The following MKLN1 variants were observed in gnomAD, a reference collection of about 807,000 sequenced individuals.
MKLN1 encodes the protein muskelin.
Under a neutral mutation model 99.0 loss-of-function variants are expected in MKLN1, and 18 were observed. The observed-to-expected ratio is 0.18, with a 90% confidence interval of 0.13 to 0.27. The LOEUF (loss-of-function observed/expected upper bound fraction) is 0.27, where lower values mean the gene tolerates loss of function less well. Ranked by LOEUF, MKLN1 falls within the 10% of genes least tolerant of loss-of-function variation. The probability of loss-of-function intolerance (pLI) is 1.00; values close to 1 mark genes in which losing one functional copy is unlikely to be tolerated. For synonymous variants in MKLN1, 288 were observed against 293.2 expected (o/e 0.98, Z 0.18); for missense variants, 621 against 875.9 (o/e 0.71, Z 3.67).
chr7:131,149,923 C>T (rs1795865562), intron 2 of MKLN1, among the ~76,000 whole-genome samples: 1 of 152,110 alleles, frequency 6.6e-6, no homozygotes, highest in Admixed American at 6.6e-5. Flanking sequence ...TGGAAGCTTC[C>T]TAAGTTTGTT....
intron 2 of MKLN1, among the ~76,000 whole-genome samples, chr7:131,151,934 A>G (rs1420645213): frequency 6.6e-6 from 1 of 152,206 alleles, no homozygotes; most frequent in Non-Finnish European, 1.5e-5. Flanking sequence ...CCCCATGTCA[A>G]GTTGGACCTC....
chr7:131,192,220 A>AAATAT (rs557562866), intron 2 of MKLN1, among the ~76,000 whole-genome samples: 2,165 of 42,230 alleles, frequency 0.051, 781 homozygotes, highest in South Asian at 0.083. Flanking sequence ...TAAATATATA[A>AAATAT]AATATATACA....
At chr7:131,428,308 G>A (rs977923515) in intron 8 of MKLN1, among the ~76,000 whole-genome samples, 1 of 152,306 alleles carries the variant, frequency 6.6e-6, no homozygotes, top group Admixed American at 6.5e-5. Flanking sequence ...TTCAGAGTCA[G>A]AAGAAACCAA....
At chr7:131,304,816 T>A (rs888396461) in intron 3 of MKLN1, among the ~76,000 whole-genome samples, 1 of 152,192 alleles carries the variant, frequency 6.6e-6, no homozygotes, top group Admixed American at 6.5e-5. Context: ...GTTTGAATGT[T>A]TGTGTCCCCT....
chr7:131,417,070 C>T lies in MKLN1; in HGVS notation c.847+2360C>T, dbSNP rs1467685621. On this transcript the variant is annotated intron_variant, in intron 8 of 17. Transcript: ENST00000352689. ...CTTTAGAAATTATAAGAAAGCGTAGCGAGAATGACTATTGTAGTCATGGAA... is the reference window on the plus strand; with the variant it reads ...CTTTAGAAATTATAAGAAAGCGTAGTGAGAATGACTATTGTAGTCATGGAA... Among the ~76,000 whole-genome samples the T allele has an allele frequency of 2.7e-5, 4 of 150,432 alleles. No individual in the cohort carries two copies. The East Asian group carries it at 5.9e-4, about 22-fold the overall frequency.
intron 3 of MKLN1, among the ~76,000 whole-genome samples, chr7:131,243,425 T>C (rs1022492917): frequency 3.9e-5 from 6 of 152,218 alleles, no homozygotes; most frequent in Non-Finnish European, 8.8e-5. Flanking sequence ...CCTCATGTGT[T>C]ACCCGCTTGC....
intron 1 of MKLN1, among the ~76,000 whole-genome samples, chr7:131,122,072 A>C (rs928720432): frequency 1.1e-4 from 16 of 152,220 alleles, no homozygotes; most frequent in African/African-American, 3.6e-4. Context: ...CGTAAGCGTT[A>C]AGCTCCTTGA....
intron 3 of MKLN1, among the ~76,000 whole-genome samples, chr7:131,302,167 A>G (rs1456170413): frequency 6.6e-6 from 1 of 151,998 alleles, no homozygotes; most frequent in East Asian, 1.9e-4. Flanking sequence ...TTACATTCCA[A>G]CCCTTTCTGA....
chr7:131,204,157 G>A (rs1796770639), intron 3 of MKLN1, among the ~76,000 whole-genome samples: 1 of 152,160 alleles, frequency 6.6e-6, no homozygotes, highest in South Asian at 2.1e-4. Flanking sequence ...CTGGGTTGAT[G>A]TTCATCCAAG....
chr7:131,299,328 G>C (rs1244278497), intron 3 of MKLN1, among the ~76,000 whole-genome samples: 1 of 152,078 alleles, frequency 6.6e-6, no homozygotes, highest in African/African-American at 2.4e-5. Context: ...TGTCAGAATT[G>C]AACAGAGAAC....
At chr7:131,427,914 G>T (rs181047186) in intron 8 of MKLN1, among the ~76,000 whole-genome samples, 2 of 152,162 alleles carry the variant, frequency 1.3e-5, no homozygotes, top group Non-Finnish European at 2.9e-5. Flanking sequence ...CTATAATCCT[G>T]GTACTTTGGG....
intron 3 of MKLN1, among the ~76,000 whole-genome samples, chr7:131,227,157 G>T (rs1261095694): frequency 1.3e-5 from 2 of 152,100 alleles, no homozygotes; most frequent in Non-Finnish European, 2.9e-5. Flanking sequence ...TTTCCCTGCA[G>T]TGTCCTGACA....
chr7:131,187,296 T>C (rs1563245422), intron 2 of MKLN1, among the ~76,000 whole-genome samples: 1 of 149,884 alleles, frequency 6.7e-6, no homozygotes, highest in Non-Finnish European at 1.5e-5. Context: ...TGTCCTCTGC[T>C]AGAGGAAGTA....
intron 3 of MKLN1, among the ~76,000 whole-genome samples, chr7:131,245,810 G>T (rs910624926): frequency 1.3e-5 from 2 of 152,216 alleles, no homozygotes; most frequent in African/African-American, 4.8e-5. Flanking sequence ...TCCTAACAAT[G>T]CATTTCTCAG....
At chr7:131,165,247 G>A (rs777461140) in intron 2 of MKLN1, among the ~76,000 whole-genome samples, 2 of 152,074 alleles carry the variant, frequency 1.3e-5, no homozygotes, top group Non-Finnish European at 2.9e-5. Flanking sequence ...GTGTAATGGC[G>A]CGATCTCTGC....
chr7:131,346,425 G>A (rs930880068), intron 1 of MKLN1, among the ~76,000 whole-genome samples: 1 of 151,970 alleles, frequency 6.6e-6, no homozygotes, highest in Non-Finnish European at 1.5e-5. Context: ...GGGAGGCTGA[G>A]GCAGGAGAAT....
intron 1 of MKLN1, among the ~76,000 whole-genome samples, chr7:131,357,399 C>T (rs1376051571): frequency 6.6e-6 from 1 of 152,162 alleles, no homozygotes; most frequent in East Asian, 1.9e-4. Flanking sequence ...GGTTTCTCCA[C>T]TGTAATATTT....
At chr7:131,344,453 A>G (rs953319441) in intron 1 of MKLN1, among the ~76,000 whole-genome samples, 1 of 152,322 alleles carries the variant, frequency 6.6e-6, no homozygotes, top group East Asian at 1.9e-4. Context: ...TAAAAATTTT[A>G]AGTACTCTTA....
intron 1 of MKLN1, among the ~76,000 whole-genome samples, chr7:131,137,291 C>T (rs974352901): frequency 6.6e-6 from 1 of 152,098 alleles, no homozygotes; most frequent in Admixed American, 6.5e-5. Flanking sequence ...AATGTTACCC[C>T]CCAAATTGAA....
Sources: gnomAD v4.1 joint callset for allele counts (sites outside exome capture counted in the v4.1 genomes callset) on GRCh38, gnomAD v4.1.1 for gene constraint, MANE v1.5 for transcripts, NCBI Gene and HGNC (gene_info 2026-07-23, HGNC 2026-07-21) for gene names.